The following IPCEF1 variants were observed in gnomAD, a reference collection of about 807,000 sequenced individuals.
IPCEF1 encodes the protein interaction protein for cytohesin exchange factors 1.
IPCEF1 carries 31 observed loss-of-function variants against 50.9 expected under a neutral mutation model. That is an observed-to-expected ratio of 0.61 (90% CI 0.46 to 0.82). IPCEF1 has a LOEUF of 0.82. IPCEF1 is among the 40% of genes least tolerant of loss of function. The probability of loss-of-function intolerance (pLI) is 0.00; values close to 1 mark genes in which losing one functional copy is unlikely to be tolerated. For missense variants in IPCEF1, 458 were observed against 514.0 expected (o/e 0.89, Z 1.05); for synonymous variants, 181 against 192.0 (o/e 0.94, Z 0.47).
chr6:154,305,457 A>G (rs562585763), intron 1 of IPCEF1, among the ~76,000 whole-genome samples: 16 of 152,308 alleles, frequency 1.1e-4, no homozygotes, highest in African/African-American at 3.8e-4. Context: ...TATCCTACAT[A>G]CACAAGCATA....
At chr6:154,274,690 G>C (rs966101134) in intron 2 of IPCEF1, among the ~76,000 whole-genome samples, 1 of 152,122 alleles carries the variant, frequency 6.6e-6, no homozygotes, top group Non-Finnish European at 1.5e-5. Context: ...TCTAAAATGT[G>C]GTCTATACCT....
chr6:154,268,554 TG>T (rs888295239), intron 2 of IPCEF1, among the ~76,000 whole-genome samples: 2 of 152,312 alleles, frequency 1.3e-5, no homozygotes, highest in Admixed American at 6.5e-5. Context: ...AGTTTCTCTC[TG>T]GCCCAGTGAT....
intron 3 of IPCEF1, among the ~76,000 whole-genome samples, chr6:154,248,257 A>T (rs956549845): frequency 6.7e-6 from 1 of 148,154 alleles, no homozygotes; most frequent in African/African-American, 2.4e-5. Context: ...ACAAACATAC[A>T]ATCAGACTAT....
At chr6:154,341,117 T>C (rs1214042375) in intron 1 of IPCEF1, among the ~76,000 whole-genome samples, 1 of 152,198 alleles carries the variant, frequency 6.6e-6, no homozygotes, top group Non-Finnish European at 1.5e-5. Flanking sequence ...TCTGAGTTGC[T>C]GATCAGCCTT....
chr6:154,160,804 C>T (rs1276269791), intron 11 of IPCEF1, among the ~76,000 whole-genome samples: 1 of 152,172 alleles, frequency 6.6e-6, no homozygotes, highest in African/African-American at 2.4e-5. Flanking sequence ...TTTCTCCATC[C>T]CATGACCATA....
chr6:154,192,326 G>T (rs9397180), intron 10 of IPCEF1, among the ~76,000 whole-genome samples: 58 of 54,590 alleles, frequency 1.1e-3, no homozygotes, highest in East Asian at 7.6e-3. Context: ...TACTGTGTGT[G>T]TGTGTGTGTG....
At chr6:154,202,138 G>A (rs1777120396) in intron 9 of IPCEF1, among the ~76,000 whole-genome samples, 1 of 152,102 alleles carries the variant, frequency 6.6e-6, no homozygotes, top group Non-Finnish European at 1.5e-5. Flanking sequence ...TGCTAGACAC[G>A]GATTGTCAGA....
chr6:154,331,405 A>AAGAAAG (rs60403800), intron 1 of IPCEF1, among the ~76,000 whole-genome samples: 13 of 92,948 alleles, frequency 1.4e-4, no homozygotes, highest in East Asian at 4.6e-4. Flanking sequence ...GAAAGAAAGA[A>AAGAAAG]AGAGAGAGAA....
chr6:154,331,288 T>TGAGA (rs1427815900), intron 1 of IPCEF1, among the ~76,000 whole-genome samples: 1 of 135,308 alleles, frequency 7.4e-6, no homozygotes. Flanking sequence ...ATTGAGAATT[T>TGAGA]GAGAGAGAAA....
chr6:154,228,451 G>C (rs1779444802), intron 5 of IPCEF1, among the ~76,000 whole-genome samples: 1 of 152,116 alleles, frequency 6.6e-6, no homozygotes, highest in Non-Finnish European at 1.5e-5. Context: ...TCCAAATCTA[G>C]TCTTAAATTC....
At chr6:154,247,603 A>T in intron 3 of IPCEF1, 115 bp from the exon 4 acceptor site, 1 of 820,558 alleles carries the variant, frequency 1.2e-6, no homozygotes, top group East Asian at 2.6e-5. Flanking sequence ...ATCTAAAAAA[A>T]AACTCTCCAG....
chr6:154,228,761 C>G (rs985759731), intron 5 of IPCEF1, among the ~76,000 whole-genome samples: 1 of 152,146 alleles, frequency 6.6e-6, no homozygotes, highest in East Asian at 1.9e-4. Context: ...GTGGCTCATG[C>G]CTGTAATCTC....
Position 154,312,568 on chromosome 6 carries a change from G to A in IPCEF1, c.-61-22812C>T, listed in dbSNP as rs59118832. On this transcript the variant is annotated intron_variant, in intron 1 of 11. Transcript: ENST00000367220. ...TCACCATGTTGGCCAGGCTGGTCTC[G>A]AACTCCTGACCTCATGATCCGCCCG... Among the ~76,000 whole-genome samples the A allele has an allele frequency of 2.6e-3, 400 of 151,986 alleles. 1 individual carries two copies. Among genetic ancestry groups the A allele is most frequent in the African/African-American group, 8.5e-3 (351 of 41,440 alleles).
In IPCEF1 at chr6:154,289,455, C is replaced by CAA. The variant is rs34430477; in HGVS notation, c.-18+256_-18+257dup. ...GGTATATTCCTTACTCTTAGAGAAGCAAAAAAAAAATCAACCCATAAATAA... is the reference window on the plus strand; with the variant it reads ...GGTATATTCCTTACTCTTAGAGAAGCAAAAAAAAAAAATCAACCCATAAATAA... On this transcript the variant is annotated intron_variant, in intron 2 of 11. Coordinates refer to ENST00000367220, the MANE Select transcript of IPCEF1 (RefSeq NM_001130700.2). Among the ~76,000 whole-genome samples the CAA allele has an allele frequency of 3.0e-4, 44 of 146,720 alleles. No individual in the cohort carries two copies. In the East Asian group the frequency reaches 5.7e-3, roughly 19 times the overall value.
In IPCEF1 at chr6:154,168,385, AT is replaced by A. The variant is rs1799604950; in HGVS notation, c.911-273del. On this transcript the variant is annotated intron_variant, in intron 10 of 11. Transcript: ENST00000367220. The surrounding 1 kb of genome is among the most constrained non-coding windows in gnomAD (Gnocchi z 4.1). ...AAGTGGTTTTTTGGTTTGTGGCAGT[AT>A]AACTCCAATATTCACATGGGGTGTT... Among the ~76,000 whole-genome samples, 1 of 152,102 alleles carries A rather than the reference AT, an allele frequency of 6.6e-6. No individual in the cohort carries two copies. Among genetic ancestry groups the A allele is most frequent in the African/African-American group, 2.4e-5 (1 of 41,422 alleles).
intron 11 of IPCEF1, among the ~76,000 whole-genome samples, chr6:154,163,081 A>G (rs756670683): frequency 3.3e-5 from 5 of 152,190 alleles, no homozygotes; most frequent in Non-Finnish European, 5.9e-5. Context: ...ACCTTCAGAC[A>G]TGACACAAAG....
chr6:154,333,362 A>G (rs1482836840), intron 1 of IPCEF1, among the ~76,000 whole-genome samples: 1 of 151,670 alleles, frequency 6.6e-6, no homozygotes, highest in Non-Finnish European at 1.5e-5. Context: ...CAAATATGAA[A>G]AGGCAAGACT....
chr6:154,259,225 T>C (rs1684401301), intron 3 of IPCEF1, among the ~76,000 whole-genome samples: 1 of 152,234 alleles, frequency 6.6e-6, no homozygotes, highest in Admixed American at 6.5e-5. Flanking sequence ...GGTATTTTCT[T>C]GAAGGTAAAA....
intron 9 of IPCEF1, among the ~76,000 whole-genome samples, chr6:154,204,110 T>G (rs1042996763): frequency 1.3e-5 from 2 of 152,238 alleles, no homozygotes; most frequent in African/African-American, 4.8e-5. Flanking sequence ...AAAATCTTCG[T>G]TCTAGTTAAG....
Sources: allele counts gnomAD v4.1 joint callset (sites outside exome capture counted in the v4.1 genomes callset), GRCh38; gene constraint gnomAD v4.1.1; non-coding constraint Gnocchi (gnomAD v3.1); transcripts MANE v1.5; gene names NCBI Gene and HGNC (gene_info 2026-07-23, HGNC 2026-07-21).